DCHS2: variants seen among roughly 807,000 people sequenced by gnomAD.
DCHS2 encodes dachsous cadherin-related 2, also known as protocadherin-23.
A neutral mutation model predicts 182.4 loss-of-function variants in DCHS2; 142 were observed. That is an observed-to-expected ratio of 0.78 (90% confidence interval 0.68 to 0.89). The LOEUF is 0.89. Ranked by LOEUF, DCHS2 falls within the 40% of genes least tolerant of loss-of-function variation. The pLI, the probability that DCHS2 is intolerant of heterozygous loss-of-function variation, is 0.00. For missense variants in DCHS2, 4,319 were observed against 4,198.6 expected (o/e 1.03, Z -0.79); for synonymous variants, 1,740 against 1,663.3 (o/e 1.05, Z -1.12).
intron 2 of DCHS2, among the ~76,000 whole-genome samples, chr4:154,367,092 A>T (rs6837927): frequency 6.6e-6 from 1 of 152,076 alleles, no homozygotes; most frequent in African/African-American, 2.4e-5. Context: ...AACGTGGTGT[A>T]CCTCTCAGGC....
chr4:154,482,499 G>A (rs542361760), intron 1 of DCHS2, among the ~76,000 whole-genome samples: 1 of 152,174 alleles, frequency 6.6e-6, no homozygotes, highest in Middle Eastern at 3.4e-3. Context: ...GAAAGACTTG[G>A]GGAAAAAAAT....
chr4:154,463,698 C>T (rs1268199756), intron 1 of DCHS2, among the ~76,000 whole-genome samples: 2 of 95,896 alleles, frequency 2.1e-5, no homozygotes, highest in African/African-American at 6.7e-5. Flanking sequence ...TCTTTTCTCT[C>T]TCTCTCTCTC....
At chr4:154,318,733 A>G (rs145852414) in intron 9 of DCHS2, among the ~76,000 whole-genome samples, 25 of 152,186 alleles carry the variant, frequency 1.6e-4, no homozygotes, top group Non-Finnish European at 2.9e-4. Flanking sequence ...ATGTATGTTC[A>G]TAGAGTGAAA....
At chr4:154,333,691 C>T (rs1728630032) in intron 4 of DCHS2, 197 bp from the exon 5 acceptor site, 1 of 632,000 alleles carries the variant, frequency 1.6e-6, no homozygotes, top group Non-Finnish European at 2.7e-6. Flanking sequence ...TACATAAATC[C>T]TTACCATTGG....
intron 14 of DCHS2, among the ~76,000 whole-genome samples, chr4:154,268,841 G>T (rs1309236840): frequency 1.3e-5 from 2 of 152,116 alleles, no homozygotes; most frequent in African/African-American, 4.8e-5. Flanking sequence ...GATTTTATCT[G>T]CATTTTAATG....
At chr4:154,356,697 T>C (rs1417951533) in intron 3 of DCHS2, among the ~76,000 whole-genome samples, 10 of 152,178 alleles carry the variant, frequency 6.6e-5, no homozygotes, top group Non-Finnish European at 1.5e-4. Flanking sequence ...GCTGCATAGG[T>C]TTGTAGCCTA....
rs73854713 is a variant in DCHS2 at position 154,335,403 on chromosome 4, T to C, written c.2477-299A>G. On this transcript the variant is annotated intron_variant, in intron 3 of 19. Transcript: ENST00000357232. ...AACAAAAAAGCTGACTAAGAGAGAA[T>C]GGCTCCTGCTCCCAACCTGGGGCAC... Among the ~76,000 whole-genome samples the C allele has an allele frequency of 8.8e-3, 1,348 of 152,318 alleles. 19 individuals are homozygous for C. The highest frequency in any genetic ancestry group is 0.031 in the African/African-American group (1,283 of 41,568).
At chr4:154,425,882 T>C (rs772794546) in intron 1 of DCHS2, among the ~76,000 whole-genome samples, 7 of 152,126 alleles carry the variant, frequency 4.6e-5, no homozygotes, top group Non-Finnish European at 7.3e-5. Context: ...GGCAAAAAAA[T>C]GAGGAAGAAT....
intron 13 of DCHS2, among the ~76,000 whole-genome samples, chr4:154,293,369 A>G (rs890155832): frequency 6.6e-6 from 1 of 152,102 alleles, no homozygotes; most frequent in African/African-American, 2.4e-5. Context: ...TTTAGTAGAG[A>G]TGGGGTTTCT....
At chr4:154,250,557 C>T (rs1252997719) in intron 16 of DCHS2, among the ~76,000 whole-genome samples, 1 of 152,154 alleles carries the variant, frequency 6.6e-6, no homozygotes, top group African/African-American at 2.4e-5. Flanking sequence ...ATCATAATCT[C>T]CATCTGTTCC....
chr4:154,321,309 ATTCC>A, intron 8 of DCHS2, 87 bp from the exon 9 acceptor site: 1 of 1,317,180 alleles, frequency 7.6e-7, no homozygotes, highest in Non-Finnish European at 9.9e-7. Context: ...TTGAAAGCAA[ATTCC>A]TTCCATGTAT....
rs1398289296 is a variant in DCHS2 at position 154,320,945 on chromosome 4, C to T, written c.4454G>A (p.Ser1485Asn). The T allele has an allele frequency of 1.6e-5, 26 of 1,613,924 alleles. No individual in the cohort carries two copies. The Admixed American group carries it at 3.8e-4, about 24-fold the overall frequency. ...TGTGCTACTCAGGGAAAGGTTTTTG[C>T]TATGGTCTGTAGTAATCACTCTGAA... ...YLFRVITTDH[S>N]KNLSLSSTVF... Residue 1485 changes from serine to asparagine, a missense_variant, in exon 9 of 20, where the codon AGC (serine) becomes AAC (asparagine). Coordinates refer to ENST00000357232, the MANE Select transcript of DCHS2 (RefSeq NM_001358235.2).
At chr4:154,335,158 T>G in intron 3 of DCHS2, 54 bp from the exon 4 acceptor site, 1 of 1,135,434 alleles carries the variant, frequency 8.8e-7, no homozygotes, top group East Asian at 2.3e-5. Flanking sequence ...TAAATACTGA[T>G]GAGCAATAGT....
chr4:154,447,836 C>T (rs1734366256), intron 1 of DCHS2, among the ~76,000 whole-genome samples: 1 of 152,146 alleles, frequency 6.6e-6, no homozygotes, highest in South Asian at 2.1e-4. Flanking sequence ...GGGAAGGATA[C>T]CTTTTCCAAG....
At chr4:154,278,913 T>C (rs2111228912) in intron 13 of DCHS2, among the ~76,000 whole-genome samples, 1 of 152,236 alleles carries the variant, frequency 6.6e-6, no homozygotes, top group Non-Finnish European at 1.5e-5. Flanking sequence ...AAAAGGACAC[T>C]ATACAGCAAA....
intron 3 of DCHS2, among the ~76,000 whole-genome samples, chr4:154,337,222 A>G (rs1335929015): frequency 2.6e-5 from 4 of 152,224 alleles, no homozygotes; most frequent in Non-Finnish European, 5.9e-5. Flanking sequence ...TGTACAGAAG[A>G]GAAGAAAAAG....
chr4:154,405,179 G>A (rs1276417963), intron 1 of DCHS2, among the ~76,000 whole-genome samples: 3 of 152,132 alleles, frequency 2.0e-5, no homozygotes, highest in Non-Finnish European at 4.4e-5. Context: ...GAACCTGGGA[G>A]GTTGAGGTTG....
At chr4:154,370,291 C>A (rs561372781) in intron 2 of DCHS2, among the ~76,000 whole-genome samples, 3 of 151,904 alleles carry the variant, frequency 2.0e-5, no homozygotes, top group African/African-American at 7.2e-5. Flanking sequence ...ACGACAGTAA[C>A]CATGTAGAGA....
rs930054222 is a variant in DCHS2, at chr4:154,366,414, G to A, written c.2272C>T (p.Arg758Cys). 2.5e-6 allele frequency: 4 copies of A among 1,613,632 alleles called. No homozygotes were observed. The highest frequency in any genetic ancestry group is 2.5e-6 in the Non-Finnish European group (3 of 1,179,810). Residue 758 changes from arginine to cysteine, a missense_variant, in exon 3 of 20, where the codon CGT becomes TGT. Arg to Cys is a radical substitution (Grantham distance 180). Transcript: ENST00000357232. ...GGGLSAQAFV[R>C]VDLEDVNDNH... ...TCATTCACGTCCTCCAGGTCCACAC[G>A]AACAAAGGCTTGGGCACTTAGCCCA...
Sources: gnomAD v4.1 joint callset for allele counts (sites outside exome capture counted in the v4.1 genomes callset) on GRCh38, gnomAD v4.1.1 for gene constraint, MANE v1.5 for transcripts, NCBI Gene and HGNC (gene_info 2026-07-23, HGNC 2026-07-21) for gene names.